Variants in EYS observed in about 807,000 individuals in gnomAD.
EYS encodes the protein EGF-like photoreceptor maintenance factor, also known as protein eyes shut homolog.
In EYS, 250 loss-of-function variants were observed where a neutral mutation model predicts 282.1. That is an observed-to-expected ratio of 0.89 (90% CI 0.80 to 0.98). EYS has a LOEUF of 0.98. Ranked by LOEUF, EYS falls within the 50% of genes least tolerant of loss-of-function variation. EYS has a pLI of 0.00. For synonymous variants in EYS, 1,355 were observed against 1,282.9 expected (o/e 1.06, Z -1.20); for missense variants, 4,016 against 3,709.0 (o/e 1.08, Z -2.15).
chr6:65,189,959 C>T (rs75694438), intron 12 of EYS, among the ~76,000 whole-genome samples: 3,077 of 151,792 alleles, frequency 0.02, 99 homozygotes, highest in African/African-American at 0.07. Context: ...GTGCTTCTTC[C>T]GTTCAGGTTC....
intron 2 of EYS, among the ~76,000 whole-genome samples, chr6:65,604,317 G>T (rs1167530535): frequency 1.3e-5 from 2 of 151,894 alleles, no homozygotes; most frequent in Non-Finnish European, 2.9e-5. Flanking sequence ...GATACCAGAA[G>T]ACTAATAATA....
intron 35 of EYS, among the ~76,000 whole-genome samples, chr6:63,897,956 A>T (rs1773573293): frequency 6.6e-6 from 1 of 152,224 alleles, no homozygotes; most frequent in South Asian, 2.1e-4. Context: ...AAGCAGAGAC[A>T]TTAATAAGAT....
intron 36 of EYS, among the ~76,000 whole-genome samples, chr6:63,820,821 C>T (rs1235030249): frequency 2.6e-5 from 4 of 152,144 alleles, no homozygotes; most frequent in Non-Finnish European, 5.9e-5. Flanking sequence ...GCCAGTACCA[C>T]ACTGATAACG....
intron 15 of EYS, among the ~76,000 whole-genome samples, chr6:64,923,586 C>A (rs1214650119): frequency 6.6e-6 from 1 of 152,152 alleles, no homozygotes; most frequent in African/African-American, 2.4e-5. Context: ...TGAGACAAGG[C>A]AAGTCCCTTC....
intron 26 of EYS, among the ~76,000 whole-genome samples, chr6:64,589,875 G>T (rs1237428492): frequency 6.6e-6 from 1 of 151,962 alleles, no homozygotes; most frequent in East Asian, 1.9e-4. Context: ...GTTATATTGT[G>T]TTCAACCTGA....
At chr6:63,729,548 G>T (rs1768728639) in intron 41 of EYS, among the ~76,000 whole-genome samples, 1 of 150,804 alleles carries the variant, frequency 6.6e-6, no homozygotes. Context: ...TTTGCATGTG[G>T]ATGTCCATTT....
At position 65,305,914 on chromosome 6, in the gene EYS, G is replaced by A. The variant is rs140751767; in HGVS notation, c.1767-9795C>T. Among the ~76,000 whole-genome samples, 261 of 152,262 alleles carry A rather than the reference G, an allele frequency of 1.7e-3. 1 individual carries two copies. Among genetic ancestry groups the A allele is most frequent in the African/African-American group, 5.8e-3 (239 of 41,558 alleles). On this transcript the variant is annotated intron_variant, in intron 11 of 42. Transcript: ENST00000503581. ...AGCTGCCAATATTTATCTATGGGCT[G>A]TAGCAGTACACTGAATTGTACTGTG... is the stretch of plus-strand genomic sequence containing the variant.
At chr6:64,748,781 ATTG>A (rs1222814476) in intron 22 of EYS, among the ~76,000 whole-genome samples, 1 of 152,170 alleles carries the variant, frequency 6.6e-6, no homozygotes, top group Non-Finnish European at 1.5e-5. Flanking sequence ...TTAATTTTTT[ATTG>A]TTTTATGAGA....
chr6:64,063,884 C>T (rs1204599381), intron 33 of EYS, among the ~76,000 whole-genome samples: 2 of 152,032 alleles, frequency 1.3e-5, no homozygotes, highest in Admixed American at 1.3e-4. Flanking sequence ...CACGTGCCAC[C>T]ATGCCTAATT....
At chr6:65,677,379 T>TA (rs1320137558) in intron 1 of EYS, among the ~76,000 whole-genome samples, 1 of 151,786 alleles carries the variant, frequency 6.6e-6, no homozygotes, top group African/African-American at 2.4e-5. Flanking sequence ...ATTTCCGGGA[T>TA]AAAAAATCAA....
intron 1 of EYS, among the ~76,000 whole-genome samples, chr6:65,706,557 A>C (rs76319528): frequency 0.012 from 1,844 of 152,214 alleles, 12 homozygotes; most frequent in Non-Finnish European, 0.016. Context: ...ATCATATCTG[A>C]TCAGTTGTAA....
At chr6:64,579,107 C>T (rs1765981531) in intron 26 of EYS, among the ~76,000 whole-genome samples, 1 of 152,076 alleles carries the variant, frequency 6.6e-6, no homozygotes, top group African/African-American at 2.4e-5. Flanking sequence ...TGGTCCTACC[C>T]ATGGGCGAAA....
intron 2 of EYS, among the ~76,000 whole-genome samples, chr6:65,552,563 C>G (rs1316133207): frequency 1.3e-5 from 2 of 151,982 alleles, no homozygotes; most frequent in East Asian, 3.9e-4. Flanking sequence ...TGCTGAATTT[C>G]TCATATATCG....
At chr6:64,024,898 CATTCTTGA>C (rs745923831) in intron 33 of EYS, among the ~76,000 whole-genome samples, 4 of 152,200 alleles carry the variant, frequency 2.6e-5, no homozygotes, top group Admixed American at 6.5e-5. Flanking sequence ...TCTGCGGCTT[CATTCTTGA>C]AGTCAGTGAG....
chr6:64,285,422 T>C (rs779813535), intron 30 of EYS, among the ~76,000 whole-genome samples: 10 of 152,210 alleles, frequency 6.6e-5, no homozygotes, highest in Non-Finnish European at 1.0e-4. Context: ...TCCCAACAAG[T>C]TCCTCATCTC....
intron 26 of EYS, among the ~76,000 whole-genome samples, chr6:64,463,060 C>CCT (rs1775803342): frequency 4.0e-5 from 6 of 151,150 alleles, no homozygotes; most frequent in Non-Finnish European, 8.8e-5. Context: ...CATTCTCCTG[C>CCT]CAAGGCCTCC....
chr6:65,015,987 G>C (rs914227533), intron 13 of EYS, among the ~76,000 whole-genome samples: 18 of 151,076 alleles, frequency 1.2e-4, no homozygotes, highest in Middle Eastern at 3.4e-3. Flanking sequence ...AGATGTTGCA[G>C]GGAGCTGAGA....
At chr6:63,803,780 G>C (rs1770835364) in intron 37 of EYS, among the ~76,000 whole-genome samples, 1 of 152,166 alleles carries the variant, frequency 6.6e-6, no homozygotes, top group Non-Finnish European at 1.5e-5. Context: ...GGGCTGACTT[G>C]ATCTCTTTCT....
chr6:64,228,973 C>T (rs143844478), intron 31 of EYS, among the ~76,000 whole-genome samples: 1 of 152,156 alleles, frequency 6.6e-6, no homozygotes, highest in African/African-American at 2.4e-5. Flanking sequence ...GATACACTAA[C>T]ATTAAAAAAT....
Sources: allele counts gnomAD v4.1 joint callset (sites outside exome capture counted in the v4.1 genomes callset), GRCh38; gene constraint gnomAD v4.1.1; transcripts MANE v1.5; gene names NCBI Gene and HGNC (gene_info 2026-07-23, HGNC 2026-07-21).